The following TOR3A variants were observed in gnomAD, a reference collection of about 807,000 sequenced individuals.
The protein encoded by TOR3A is torsin-3A.
TOR3A carries 44 observed loss-of-function variants against 42.1 expected under a neutral mutation model. The ratio of observed to expected loss-of-function variants is 1.04; its 90% CI spans 0.82 to 1.34. The LOEUF is 1.34. Among genes scored for constraint, TOR3A ranks in the 40% most tolerant of loss-of-function variants. TOR3A has a pLI of 0.00. For missense variants in TOR3A, 521 were observed against 507.6 expected (o/e 1.03, Z -0.25); for synonymous variants, 227 against 213.2 (o/e 1.06, Z -0.57).
At position 179,088,043 on chromosome 1, in the gene TOR3A, GA is replaced by G; in HGVS notation, c.773del (p.Glu258GlyfsTer22). 6.2e-7 allele frequency: 1 copy of G among 1,612,774 alleles called. No homozygotes were observed. The highest frequency in any genetic ancestry group is 1.1e-5 in the South Asian group (1 of 90,950). ...GCCACACTTAGAACGCCGGGCCCCT[GA>G]GGGCCACAGGGCTGAGTCTCCATGG... ...LGPHLERRAP[E>X]GHRAESPWTI... On this transcript the variant is annotated frameshift_variant, in exon 4 of 6. Coordinates refer to ENST00000367627, the MANE Select transcript of TOR3A (RefSeq NM_022371.4). LOFTEE classifies it high-confidence loss of function.
chr1:179,088,866 A>G (rs1652503167), intron 4 of TOR3A, among the ~76,000 whole-genome samples: 1 of 152,146 alleles, frequency 6.6e-6, no homozygotes, highest in Non-Finnish European at 1.5e-5. Context: ...TTGTTGACCC[A>G]ATTTGAAGGC....
In TOR3A at chr1:179,095,908, A is replaced by AG. The variant is rs1436571502; in HGVS notation, c.*696dup. 1.0e-5 allele frequency: 10 copies of AG among 982,652 alleles called. No individual in the cohort carries two copies. Among genetic ancestry groups the AG allele is most frequent in the East Asian group, 1.2e-4 (1 of 8,694 alleles). The allele number at this position is 982,652 out of a possible 1,614,324, so 60.9% of individuals were successfully genotyped here. On this transcript the variant is annotated 3_prime_UTR_variant, in exon 6 of 6. Coordinates refer to ENST00000367627, the MANE Select transcript of TOR3A (RefSeq NM_022371.4). ...TATGGTCTACAGATTTTGGCGGGGG[A>AG]GGGGGGACCTTTTCAAAGACAATAG... is the stretch of plus-strand genomic sequence containing the variant.
intron 4 of TOR3A, chr1:179,088,334 C>T (rs943437789): frequency 6.7e-6 from 2 of 296,708 alleles, no homozygotes; most frequent in Non-Finnish European, 1.2e-5. Flanking sequence ...ATAGTGAAAC[C>T]CCATCTCTAC....
In TOR3A at chr1:179,091,955, C is replaced by T. The variant is rs372649290; in HGVS notation, c.819-2138C>T. Among the ~76,000 whole-genome samples the T allele has an allele frequency of 7.9e-5, 12 of 152,318 alleles. No homozygotes were observed. In the South Asian group the frequency reaches 2.3e-3, roughly 29 times the overall value. ...GTGGAAGAGTGGTGTGAGCAGCTTCCCCGGGGAAAGCCTGGCTGAGCAACT... is the reference window on the plus strand; with the variant it reads ...GTGGAAGAGTGGTGTGAGCAGCTTCTCCGGGGAAAGCCTGGCTGAGCAACT... On this transcript the variant is annotated intron_variant, in intron 4 of 5. Coordinates refer to ENST00000367627, the MANE Select transcript of TOR3A (RefSeq NM_022371.4).
At position 179,095,267 on chromosome 1, in the gene TOR3A, C is replaced by A. The variant is rs368175261; in HGVS notation, c.*49C>A. The A allele has an allele frequency of 1.2e-6, 2 of 1,607,032 alleles. No homozygotes were observed. The highest frequency in any genetic ancestry group is 8.5e-7 in the Non-Finnish European group (1 of 1,176,932). ...ACTGCCTTTCTTCCACTAACAGGAC[C>A]CTGGGACCTGTAGGAGCACCCCGTT... On this transcript the variant is annotated 3_prime_UTR_variant, in exon 6 of 6. Transcript: ENST00000367627.
Position 179,082,342 on chromosome 1 carries a change from C to T in TOR3A, c.214C>T (p.Pro72Ser), listed in dbSNP as rs772354919. Reference protein sequence around the residue: ...YWTLFSCQVWPDDCDEDEEAA... With the variant: ...YWTLFSCQVWSDDCDEDEEAA... ...GACGCTCTTCAGCTGCCAGGTGTGG[C>T]CCGACGACTGTGACGAGGACGAGGA... is the stretch of plus-strand genomic sequence containing the variant. The change falls in exon 1 of 6, where the codon CCC (proline) becomes TCC (serine). Residue 72 changes from proline to serine, a missense_variant. Transcript: ENST00000367627. 1.2e-6 allele frequency: 2 copies of T among 1,605,886 alleles called. 1 individual carries two copies. The highest frequency in any genetic ancestry group is 1.7e-6 in the Non-Finnish European group (2 of 1,177,590).
At chr1:179,090,899 G>C (rs1572576399) in intron 4 of TOR3A, among the ~76,000 whole-genome samples, 1 of 152,184 alleles carries the variant, frequency 6.6e-6, no homozygotes, top group African/African-American at 2.4e-5. Context: ...TCAGGAAAAG[G>C]ATAGAAAGGA....
In TOR3A at chr1:179,082,087, G is replaced by C. The variant is rs371110940; in HGVS notation, c.-42G>C. ...ACCGCCCCGGGCTTAAGGGAGCCTG[G>C]CTAGGCCGGCAGCCGGATGGTCCCG... On this transcript the variant is annotated 5_prime_UTR_variant, in exon 1 of 6. Coordinates refer to ENST00000367627, the MANE Select transcript of TOR3A (RefSeq NM_022371.4). The C allele has an allele frequency of 7.0e-7, 1 of 1,429,132 alleles. No individual in the cohort carries two copies. The highest frequency in any genetic ancestry group is 9.1e-7 in the Non-Finnish European group (1 of 1,103,640). The allele number at this position is 1,429,132 out of a possible 1,614,324, so 88.5% of individuals were successfully genotyped here. A position where few individuals can be genotyped will look rare whatever the true frequency, so the allele number is the denominator to read the frequency against.
intron 4 of TOR3A, among the ~76,000 whole-genome samples, chr1:179,088,870 T>C (rs1652503208): frequency 6.6e-6 from 1 of 152,202 alleles, no homozygotes; most frequent in African/African-American, 2.4e-5. Flanking sequence ...TGACCCAATT[T>C]GAAGGCTTCA....
intron 1 of TOR3A, 122 bp downstream of exon 1, chr1:179,082,509 C>A (rs1572571459): frequency 1.4e-6 from 2 of 1,381,976 alleles, no homozygotes; most frequent in East Asian, 2.5e-5. Flanking sequence ...TCTGCTCAGC[C>A]GCCGGTACCG....
intron 4 of TOR3A, 198 bp downstream of exon 4, chr1:179,088,287 C>G (rs944150413): frequency 1.3e-5 from 6 of 449,980 alleles, no homozygotes; most frequent in Middle Eastern, 6.0e-4. Flanking sequence ...GCGGCCGGGT[C>G]CCTTGAGTCC....
chr1:179,094,591 A>G (rs1184753006), intron 5 of TOR3A, among the ~76,000 whole-genome samples: 1 of 152,158 alleles, frequency 6.6e-6, no homozygotes, highest in Non-Finnish European at 1.5e-5. Context: ...CAGCCCCTTC[A>G]GTCGGGGCCA....
intron 4 of TOR3A, among the ~76,000 whole-genome samples, chr1:179,089,901 G>C (rs968426206): frequency 6.6e-6 from 1 of 152,026 alleles, no homozygotes; most frequent in Non-Finnish European, 1.5e-5. Flanking sequence ...CGGCCACACA[G>C]ACTCTCCCAC....
chr1:179,094,751 C>G lies in TOR3A; in HGVS notation c.944-217C>G, dbSNP rs551162942. Among the ~76,000 whole-genome samples the G allele has an allele frequency of 2.0e-5, 3 of 152,250 alleles. No homozygotes were observed. In the East Asian group the frequency reaches 5.8e-4, roughly 29 times the overall value. ...AAAATTAGCCAGGTGTGGTGCTGTA[C>G]GCCTGTGGTCCCAGTTACTCACAGG... On this transcript the variant is annotated intron_variant, in intron 5 of 5. Coordinates refer to ENST00000367627, the MANE Select transcript of TOR3A (RefSeq NM_022371.4).
intron 4 of TOR3A, among the ~76,000 whole-genome samples, chr1:179,090,498 T>A (rs1652552186): frequency 6.6e-6 from 1 of 152,248 alleles, no homozygotes; most frequent in African/African-American, 2.4e-5. Flanking sequence ...CACAGCTGAT[T>A]CAAACTGCTA....
Position 179,094,127 on chromosome 1 carries a change from C to T in TOR3A, c.853C>T (p.Leu285=). 2 of 1,613,974 alleles carry T rather than the reference C, an allele frequency of 1.2e-6. No individual in the cohort carries two copies. The highest frequency in any genetic ancestry group is 1.7e-6 in the Non-Finnish European group (2 of 1,179,964). The change falls in exon 5 of 6, where the codon CTA becomes TTA. Residue 285 remains leucine, a synonymous_variant. Transcript: ENST00000367627. ...GGGCGATATAATCAATGAGGTGGTC[C>T]TAAAGTTGCTCAAGGCTGGATGGTC... ...LRGDIINEVV[L]KLLKAGWSRE... is the part of the protein sequence containing the mutation.
In TOR3A at chr1:179,088,079, C is replaced by G. The variant is rs1259804727; in HGVS notation, c.808C>G (p.Leu270Val). ...GGCTGAGTCTCCATGGACTATCTTT[C>G]TGTTTCTCAGGTGGGTTCTGGGGAA... ...HRAESPWTIF[L>V]FLSNLRGDII... is the part of the protein sequence containing the mutation. The change falls in exon 4 of 6, where the codon CTG (leucine) becomes GTG (valine). Residue 270 changes from leucine (L) to valine (V), a missense_variant. Transcript: ENST00000367627. The G allele has an allele frequency of 6.3e-7, 1 of 1,590,338 alleles. No individual in the cohort carries two copies. The highest frequency in any genetic ancestry group is 1.8e-5 in the Admixed American group (1 of 54,624).
At chr1:179,086,433 T>C (rs767248142) in intron 3 of TOR3A, among the ~76,000 whole-genome samples, 1 of 152,038 alleles carries the variant, frequency 6.6e-6, no homozygotes, top group South Asian at 2.1e-4. Context: ...TTGGGAAGCC[T>C]AGGTGGGTGG....
In TOR3A at chr1:179,085,613, C is replaced by CT. The variant is rs746652751; in HGVS notation, c.374-12dup. 6.2e-7 allele frequency: 1 copy of CT among 1,611,676 alleles called. No homozygotes were observed. Among genetic ancestry groups the CT allele is most frequent in the Non-Finnish European group, 8.5e-7 (1 of 1,177,928 alleles). ...TGTGTGCCTTTTGCTGTGACTACCT[C>CT]TTTCCTGTCCTTAGGCTTAGAGTGG... On this transcript the variant is annotated splice_polypyrimidine_tract_variant and intron_variant, in intron 2 of 5. Transcript: ENST00000367627.
Sources: gnomAD v4.1 joint callset for allele counts (sites outside exome capture counted in the v4.1 genomes callset) on GRCh38, gnomAD v4.1.1 for gene constraint, MANE v1.5 for transcripts, NCBI Gene and HGNC (gene_info 2026-07-23, HGNC 2026-07-21) for gene names.